Variants in PCDHA4 observed in about 807,000 individuals in gnomAD.
PCDHA4 encodes protocadherin alpha-4.
PCDHA4 carries 49 observed loss-of-function variants against 61.4 expected under a neutral mutation model. The ratio of observed to expected loss-of-function variants is 0.80; its 90% confidence interval spans 0.63 to 1.01. PCDHA4 has a LOEUF of 1.01. Among genes scored for constraint, PCDHA4 ranks in the 50% least tolerant of loss-of-function variants. The pLI, the probability that PCDHA4 is intolerant of heterozygous loss-of-function variation, is 0.00. For missense variants in PCDHA4, 1,254 were observed against 1,235.8 expected (o/e 1.01, Z -0.22); for synonymous variants, 590 against 550.3 (o/e 1.07, Z -1.01).
intron 1 of PCDHA4, chr5:140,822,801 G>A (rs2150119424): frequency 1.2e-6 from 2 of 1,614,152 alleles, no homozygotes; most frequent in East Asian, 2.2e-5. Flanking sequence ...TCCTGGATGT[G>A]AATGATAATA....
At chr5:140,937,878 C>G (rs2091818368) in intron 1 of PCDHA4, among the ~76,000 whole-genome samples, 1 of 150,504 alleles carries the variant, frequency 6.6e-6, no homozygotes, top group Admixed American at 6.6e-5. Context: ...CGCCACTGCA[C>G]TCCAGCCTGG....
intron 1 of PCDHA4, chr5:140,853,100 C>G: frequency 2.7e-6 from 1 of 369,590 alleles, no homozygotes; most frequent in Non-Finnish European, 3.8e-6. Flanking sequence ...AGGATGGTCT[C>G]GATCTCCTGA....
chr5:140,947,401 G>A (rs1314695904), intron 1 of PCDHA4, among the ~76,000 whole-genome samples: 1 of 151,652 alleles, frequency 6.6e-6, no homozygotes, highest in Non-Finnish European at 1.5e-5. Flanking sequence ...AAAGTAGACT[G>A]TCTTGATATT....
At chr5:140,989,321 C>T (rs898791820) in intron 3 of PCDHA4, among the ~76,000 whole-genome samples, 2 of 152,296 alleles carry the variant, frequency 1.3e-5, no homozygotes, top group Non-Finnish European at 1.5e-5. Context: ...GTCTCACCAA[C>T]TTTGCCACCT....
chr5:140,856,441 G>T, intron 1 of PCDHA4: 1 of 1,598,410 alleles, frequency 6.3e-7, no homozygotes, highest in East Asian at 2.2e-5. Flanking sequence ...ACCCGCCCAG[G>T]TTCTCCGTAA....
chr5:140,841,267 A>C, intron 1 of PCDHA4: 1 of 1,524,772 alleles, frequency 6.6e-7, no homozygotes, highest in Non-Finnish European at 8.8e-7. Flanking sequence ...CTGAAAGTAC[A>C]GTCGTTCATC....
chr5:140,837,513 T>A (rs1414175460), intron 1 of PCDHA4, among the ~76,000 whole-genome samples: 2 of 96,810 alleles, frequency 2.1e-5, no homozygotes, highest in Admixed American at 9.8e-5. Flanking sequence ...CTGAAGCAGT[T>A]TACTTTTTTT....
chr5:141,011,749 G>T lies in PCDHA4; in HGVS notation c.*1812G>T, dbSNP rs782567787. 1.2e-4 allele frequency: 18 copies of T among 153,636 alleles called. No homozygotes were observed. Among genetic ancestry groups the T allele is most frequent in the Non-Finnish European group, 2.5e-4 (17 of 68,010 alleles). 9.5% of individuals were successfully genotyped at this position (153,636 alleles called of 1,614,324 possible). A position where few individuals can be genotyped will look rare whatever the true frequency, so the allele number is the denominator to read the frequency against. On this transcript the variant is annotated 3_prime_UTR_variant, in exon 4 of 4. Coordinates refer to ENST00000530339, the MANE Select transcript of PCDHA4 (RefSeq NM_018907.4). ...GTGCAAGCACAAATTTTACCAATCT[G>T]ACCTCTTTGAAGTTGCAGAATGCTT...
At chr5:140,828,870 C>G (rs1176044523) in intron 1 of PCDHA4, 1 of 1,614,086 alleles carries the variant, frequency 6.2e-7, no homozygotes, top group Non-Finnish European at 8.5e-7. Context: ...AACGGAACAA[C>G]AGTTATCAGA....
intron 1 of PCDHA4, chr5:140,835,210 ATAT>A: frequency 6.4e-7 from 1 of 1,571,342 alleles, no homozygotes; most frequent in Non-Finnish European, 8.6e-7. Flanking sequence ...TTGAATGGGG[ATAT>A]TATTTACTCC....
At chr5:140,978,770 A>G in intron 1 of PCDHA4, 179 bp from the exon 2 acceptor site, 3 of 956,466 alleles carry the variant, frequency 3.1e-6, no homozygotes, top group Non-Finnish European at 2.5e-6. Context: ...CTGATGAACT[A>G]ATTTTCTTCT....
At chr5:140,899,983 T>C (rs1313036603) in intron 1 of PCDHA4, among the ~76,000 whole-genome samples, 5 of 151,754 alleles carry the variant, frequency 3.3e-5, no homozygotes, top group Non-Finnish European at 7.4e-5. Flanking sequence ...ACTTTTTTGA[T>C]TTTTTTTGTA....
At chr5:140,969,374 G>A (rs1554231740) in intron 1 of PCDHA4, 1 of 1,606,076 alleles carries the variant, frequency 6.2e-7, no homozygotes, top group South Asian at 1.1e-5. Flanking sequence ...TCATGCATTT[G>A]TTACACATCC....
intron 1 of PCDHA4, chr5:140,815,097 C>T (rs1765652812): frequency 6.6e-6 from 1 of 152,072 alleles, no homozygotes; most frequent in African/African-American, 2.4e-5. Context: ...AAGCAAATCT[C>T]TTGTAGTTAG....
chr5:140,883,852 G>A (rs1554180292), intron 1 of PCDHA4: 1 of 1,612,972 alleles, frequency 6.2e-7, no homozygotes. Flanking sequence ...ACGAGGAGCT[G>A]GAGCTGTTGC....
chr5:140,871,056 G>A (rs1554165039), intron 1 of PCDHA4: 1 of 1,613,234 alleles, frequency 6.2e-7, no homozygotes, highest in African/African-American at 1.3e-5. Context: ...TACTGGTGAA[G>A]GATCACGGTG....
intron 1 of PCDHA4, chr5:140,969,328 T>C (rs2096319778): frequency 1.2e-6 from 2 of 1,614,124 alleles, no homozygotes; most frequent in Admixed American, 1.7e-5. Flanking sequence ...TTTCTCAAAA[T>C]GAGGTGAGAC....
chr5:140,846,501 A>G (rs1780515725), intron 1 of PCDHA4, among the ~76,000 whole-genome samples: 1 of 146,172 alleles, frequency 6.8e-6, no homozygotes. Flanking sequence ...CAGCCTCCCA[A>G]GTAGCTGGGA....
chr5:140,912,744 T>A (rs944833912), intron 1 of PCDHA4, among the ~76,000 whole-genome samples: 1 of 152,188 alleles, frequency 6.6e-6, no homozygotes, highest in Non-Finnish European at 1.5e-5. Context: ...TGTGGGTCTG[T>A]CATAGATGGC....
Sources: gnomAD v4.1 joint callset for allele counts (sites outside exome capture counted in the v4.1 genomes callset) on GRCh38, gnomAD v4.1.1 for gene constraint, MANE v1.5 for transcripts, NCBI Gene and HGNC (gene_info 2026-07-23, HGNC 2026-07-21) for gene names.